Variants in MYRIP observed in about 807,000 individuals in gnomAD.
MYRIP encodes rab effector MyRIP.
Under a neutral mutation model 98.0 loss-of-function variants are expected in MYRIP, and 49 were observed. The ratio of observed to expected loss-of-function variants is 0.50; its 90% CI spans 0.40 to 0.63. The LOEUF (loss-of-function observed/expected upper bound fraction) is 0.63, where lower values mean the gene tolerates loss of function less well. Among genes scored for constraint, MYRIP ranks in the 30% least tolerant of loss-of-function variants. The pLI, the probability that MYRIP is intolerant of heterozygous loss-of-function variation, is 0.00. For missense variants in MYRIP, 1,004 were observed against 1,058.2 expected, an observed-to-expected ratio of 0.95 and a Z score of 0.71; for synonymous variants, 404 against 409.5, an observed-to-expected ratio of 0.99 and a Z score of 0.16.
At chr3:40,110,607 A>G (rs1006969888) in intron 3 of MYRIP, among the ~76,000 whole-genome samples, 1 of 152,072 alleles carries the variant, frequency 6.6e-6, no homozygotes, top group African/African-American at 2.4e-5. Context: ...CTTCCCAGAC[A>G]TCTGAGGCTT....
At chr3:39,912,169 C>T (rs998558107) in intron 2 of MYRIP, among the ~76,000 whole-genome samples, 5 of 152,226 alleles carry the variant, frequency 3.3e-5, no homozygotes, top group East Asian at 1.9e-4. Context: ...TCTCCTCTAT[C>T]GGTGGGTGTG....
chr3:39,981,785 A>C (rs1945902375), intron 2 of MYRIP, among the ~76,000 whole-genome samples: 1 of 152,242 alleles, frequency 6.6e-6, no homozygotes, highest in Non-Finnish European at 1.5e-5. Context: ...CTAAGAGCCA[A>C]TTTAACATTG....
chr3:40,202,746 T>C (rs9833618), intron 10 of MYRIP, among the ~76,000 whole-genome samples: 125,705 of 151,884 alleles, frequency 0.83, 53,234 homozygotes, highest in Non-Finnish European at 0.91. Context: ...AGCCTTTGTC[T>C]TCATCAATAC....
chr3:40,078,936 C>T (rs1294004087), intron 3 of MYRIP, among the ~76,000 whole-genome samples: 5 of 152,136 alleles, frequency 3.3e-5, no homozygotes, highest in African/African-American at 7.2e-5. Context: ...ACCACAAAAC[C>T]GACTCCCTCC....
At position 39,902,095 on chromosome 3, in the gene MYRIP, T is replaced by A. The variant is rs532422040; in HGVS notation, c.110+1169T>A. On this transcript the variant is annotated intron_variant, in intron 2 of 16. Transcript: ENST00000302541. Reference sequence around the variant, plus strand: ...AGGACGTCCCCAAGGTTTTTTGGCATAGGAAACTGAAGAATGAAGTTGTCA... The same window carrying A: ...AGGACGTCCCCAAGGTTTTTTGGCAAAGGAAACTGAAGAATGAAGTTGTCA... 1.0e-3 allele frequency among the ~76,000 whole-genome samples: 155 copies of A among 152,258 alleles called. 2 individuals carry two copies. Among genetic ancestry groups the A allele is most frequent in the African/African-American group, 3.7e-3 (152 of 41,558 alleles).
At chr3:39,898,446 CCTT>C (rs1430199819) in intron 1 of MYRIP, among the ~76,000 whole-genome samples, 6 of 152,038 alleles carry the variant, frequency 3.9e-5, no homozygotes, top group Non-Finnish European at 5.9e-5. Flanking sequence ...GGGCAGATAA[CCTT>C]CTTTTAAATA....
At chr3:40,009,609 A>C (rs761805479) in intron 2 of MYRIP, among the ~76,000 whole-genome samples, 7 of 152,116 alleles carry the variant, frequency 4.6e-5, no homozygotes, top group Non-Finnish European at 1.0e-4. Context: ...GCAATCTGAG[A>C]TGGGCTTCAA....
chr3:39,862,461 G>C (rs1942500690), intron 1 of MYRIP, among the ~76,000 whole-genome samples: 1 of 151,780 alleles, frequency 6.6e-6, no homozygotes, highest in South Asian at 2.1e-4. Context: ...ACAACAGGAT[G>C]ACATAATCAA....
intron 8 of MYRIP, among the ~76,000 whole-genome samples, chr3:40,177,057 A>C (rs1950783354): frequency 6.6e-6 from 1 of 151,610 alleles, no homozygotes; most frequent in South Asian, 2.1e-4. Flanking sequence ...CCTGGGCAAC[A>C]GAGCAAGACC....
chr3:39,930,172 C>T (rs906794169), intron 2 of MYRIP, among the ~76,000 whole-genome samples: 5 of 152,002 alleles, frequency 3.3e-5, no homozygotes, highest in Admixed American at 2.6e-4. Flanking sequence ...TTCCCACCAG[C>T]AATGTATGAG....
Position 40,189,741 on chromosome 3 carries a change from C to T in MYRIP, c.1028-85C>T, listed in dbSNP as rs1013787084. ...CTCTCCAACAGCCCCACAAGCCACT[C>T]TTGGGGAGGTAACAAGTGGCAACTT... On this transcript the variant is annotated intron_variant, in intron 9 of 16. Transcript: ENST00000302541. The T allele has an allele frequency of 5.6e-5, 79 of 1,408,174 alleles. No individual in the cohort carries two copies. The Middle Eastern group carries it at 1.0e-3, about 18-fold the overall frequency. 87.2% of individuals were successfully genotyped at this position (1,408,174 alleles called of 1,614,324 possible).
intron 2 of MYRIP, among the ~76,000 whole-genome samples, chr3:40,024,344 A>C (rs1947073456): frequency 6.6e-6 from 1 of 152,104 alleles, no homozygotes; most frequent in Admixed American, 6.6e-5. Flanking sequence ...TGTTTTGTGG[A>C]GGAGGCTGCC....
chr3:39,941,589 G>A (rs894585311), intron 2 of MYRIP, among the ~76,000 whole-genome samples: 1 of 151,322 alleles, frequency 6.6e-6, no homozygotes, highest in African/African-American at 2.4e-5. Context: ...ATTCTATACA[G>A]TTTTTCCTCA....
intron 10 of MYRIP, among the ~76,000 whole-genome samples, chr3:40,194,967 CAGAT>C (rs1465112793): frequency 6.6e-6 from 1 of 152,122 alleles, no homozygotes; most frequent in Non-Finnish European, 1.5e-5. Context: ...TTAGCTATTC[CAGAT>C]AGATAATCAT....
intron 1 of MYRIP, among the ~76,000 whole-genome samples, chr3:39,873,064 T>C (rs1942855314): frequency 6.6e-6 from 1 of 152,244 alleles, no homozygotes; most frequent in Admixed American, 6.5e-5. Context: ...ATTGTGGTTT[T>C]GATTTGCATT....
At chr3:39,955,879 T>C (rs1945145003) in intron 2 of MYRIP, among the ~76,000 whole-genome samples, 1 of 152,168 alleles carries the variant, frequency 6.6e-6, no homozygotes, top group Non-Finnish European at 1.5e-5. Context: ...GTTGCAATCA[T>C]AGTTTCTGAT....
intron 2 of MYRIP, among the ~76,000 whole-genome samples, chr3:39,973,117 A>C (rs573724110): frequency 6.6e-6 from 1 of 152,172 alleles, no homozygotes; most frequent in Admixed American, 6.6e-5. Flanking sequence ...AAATTGGATA[A>C]AGAGTCAAGA....
At chr3:39,959,062 C>A (rs1945250284) in intron 2 of MYRIP, among the ~76,000 whole-genome samples, 1 of 152,164 alleles carries the variant, frequency 6.6e-6, no homozygotes, top group Non-Finnish European at 1.5e-5. Flanking sequence ...AATAGGAACA[C>A]TTTTACACTG....
intron 3 of MYRIP, among the ~76,000 whole-genome samples, chr3:40,149,683 G>A (rs1405341084): frequency 2.0e-5 from 3 of 152,140 alleles, no homozygotes; most frequent in African/African-American, 7.2e-5. Flanking sequence ...ATCCAAACCT[G>A]CTCTCTGAAT....
Sources: allele counts gnomAD v4.1 joint callset (sites outside exome capture counted in the v4.1 genomes callset), GRCh38; gene constraint gnomAD v4.1.1; transcripts MANE v1.5; gene names NCBI Gene and HGNC (gene_info 2026-07-23, HGNC 2026-07-21).